IRAK1BP1: variants seen among roughly 807,000 people sequenced by gnomAD.
The protein encoded by IRAK1BP1 is interleukin 1 receptor associated kinase 1 binding protein 1.
A neutral mutation model predicts 28.0 loss-of-function variants in IRAK1BP1; 24 were observed. The ratio of observed to expected loss-of-function variants is 0.86; its 90% confidence interval spans 0.62 to 1.20. The LOEUF (loss-of-function observed/expected upper bound fraction) is 1.20, where lower values mean the gene tolerates loss of function less well. IRAK1BP1 is among the 50% of genes most tolerant of loss of function. IRAK1BP1 has a pLI of 0.00. For synonymous variants in IRAK1BP1, 131 were observed against 116.3 expected (o/e 1.13, Z -0.81); for missense variants, 336 against 316.7 (o/e 1.06, Z -0.46).
the IRAK1BP1 span, among the ~76,000 whole-genome samples, chr6:78,954,281 T>G: frequency 6.7e-6 from 1 of 149,392 alleles, no homozygotes; most frequent in African/African-American, 2.5e-5. Context: ...TTTTTTTTTG[T>G]ATTTTAAGTA....
Position 78,867,780 on chromosome 6 carries a change from GCA to G in IRAK1BP1, c.205_206del (p.Gln69GlyfsTer47). ...AAGTGTCTGCGGGCCCTGACCGGGC[GCA>G]GGTGGTGGTGCGAGTGAGCAGCACC... Reference protein sequence around the residue: ...SEVSAGPDRAQVVVRVSSTKE... With the variant: ...SEVSAGPDRAXVVVRVSSTKE... On this transcript the variant is annotated frameshift_variant, in exon 1 of 4. Coordinates refer to ENST00000369940, the MANE Select transcript of IRAK1BP1 (RefSeq NM_001010844.4). LOFTEE classifies it high-confidence loss of function. 6.2e-7 allele frequency: 1 copy of G among 1,613,928 alleles called. No homozygotes were observed. The highest frequency in any genetic ancestry group is 8.5e-7 in the Non-Finnish European group (1 of 1,179,938).
At chr6:78,970,218 C>A in the IRAK1BP1 span, 2 of 1,546,806 alleles carry the variant, frequency 1.3e-6, no homozygotes, top group South Asian at 1.1e-5. Flanking sequence ...ACAAAATAAA[C>A]CACAAAATAG....
chr6:78,954,401 C>T, the IRAK1BP1 span, among the ~76,000 whole-genome samples: 14,303 of 152,152 alleles, frequency 0.094, 778 homozygotes, highest in Middle Eastern at 0.14. Flanking sequence ...CCACCGTGCC[C>T]AGCCTAAAAA....
chr6:78,896,643 C>CAA (rs1413593327), intron 2 of IRAK1BP1, among the ~76,000 whole-genome samples: 2 of 151,880 alleles, frequency 1.3e-5, no homozygotes, highest in East Asian at 3.9e-4. Flanking sequence ...ATGGTGGTTA[C>CAA]AAAGTTCTAT....
At chr6:78,910,145 G>A (rs1772365121) in intron 4 of IRAK1BP1, among the ~76,000 whole-genome samples, 1 of 152,134 alleles carries the variant, frequency 6.6e-6, no homozygotes, top group Admixed American at 6.6e-5. Context: ...TGCTAATTAG[G>A]ATGATGGTGC....
At chr6:78,890,241 AG>A (rs922971847) in intron 2 of IRAK1BP1, among the ~76,000 whole-genome samples, 12 of 136,794 alleles carry the variant, frequency 8.8e-5, no homozygotes, top group African/African-American at 3.3e-4. Context: ...GGACACAGGG[AG>A]GGGAACATCA....
At chr6:78,884,073 C>T (rs1771328630) in intron 1 of IRAK1BP1, among the ~76,000 whole-genome samples, 1 of 152,006 alleles carries the variant, frequency 6.6e-6, no homozygotes, top group South Asian at 2.1e-4. Context: ...CTAAATTTTC[C>T]ACAATGAGTA....
chr6:78,935,686 A>G (rs1446551843), intron 4 of IRAK1BP1: 1 of 984,576 alleles, frequency 1.0e-6, no homozygotes, highest in Non-Finnish European at 1.2e-6. Flanking sequence ...CTTTTAACTG[A>G]CAGTTTTCAC....
chr6:78,948,044 A>T (rs1773925335), downstream of IRAK1BP1, among the ~76,000 whole-genome samples: 1 of 152,050 alleles, frequency 6.6e-6, no homozygotes, highest in South Asian at 2.1e-4. Flanking sequence ...ATGGAGTTGT[A>T]TTGGAAAAGG....
intron 2 of IRAK1BP1, 137 bp downstream of exon 2, chr6:78,885,580 T>G: frequency 2.0e-6 from 1 of 501,288 alleles, no homozygotes; most frequent in Non-Finnish European, 3.6e-6. Context: ...CATCTTGGTG[T>G]TATATATCTA....
At chr6:78,929,848 G>A (rs1202660411) in intron 4 of IRAK1BP1, among the ~76,000 whole-genome samples, 1 of 152,088 alleles carries the variant, frequency 6.6e-6, no homozygotes, top group East Asian at 1.9e-4. Flanking sequence ...GAACATATAA[G>A]CTAATATTAC....
chr6:78,891,888 T>G (rs1771677480), intron 2 of IRAK1BP1, among the ~76,000 whole-genome samples: 1 of 152,222 alleles, frequency 6.6e-6, no homozygotes, highest in Admixed American at 6.5e-5. Context: ...CTTGCATGCC[T>G]GCTATGTGTT....
At chr6:78,917,632 T>TAAAAAA (rs35313944) in intron 4 of IRAK1BP1, among the ~76,000 whole-genome samples, 3 of 63,690 alleles carry the variant, frequency 4.7e-5, no homozygotes, top group African/African-American at 6.5e-5. Flanking sequence ...AAGTCAACAC[T>TAAAAAA]AAAAAAAAAA....
chr6:78,967,961 T>G, the IRAK1BP1 span, among the ~76,000 whole-genome samples: 2 of 151,738 alleles, frequency 1.3e-5, no homozygotes, highest in African/African-American at 4.8e-5. Flanking sequence ...GGTGAAACCC[T>G]GTCTCTACTA....
At chr6:78,885,583 T>C (rs1331466810) in intron 2 of IRAK1BP1, 140 bp downstream of exon 2, 3 of 496,628 alleles carry the variant, frequency 6.0e-6, no homozygotes, top group Non-Finnish European at 1.1e-5. Context: ...CTTGGTGTTA[T>C]ATATCTATTT....
chr6:78,894,882 G>A (rs527733054), intron 2 of IRAK1BP1, among the ~76,000 whole-genome samples: 2 of 152,250 alleles, frequency 1.3e-5, no homozygotes, highest in South Asian at 4.1e-4. Context: ...GCTGAGGCGG[G>A]CAGATCACCT....
At chr6:78,918,743 A>G (rs1459973591) in intron 4 of IRAK1BP1, among the ~76,000 whole-genome samples, 1 of 152,200 alleles carries the variant, frequency 6.6e-6, no homozygotes, top group Non-Finnish European at 1.5e-5. Flanking sequence ...TTAGACAGCC[A>G]CACAATAATA....
Position 78,876,637 on chromosome 6 carries a change from G to A in IRAK1BP1, c.316-8741G>A, listed in dbSNP as rs183668495. Reference sequence around the variant, plus strand: ...CCTGTGCATTGTAGGATATTTAACAGCATTCCTGGCCCCTACCCATGGGGT... The same window carrying A: ...CCTGTGCATTGTAGGATATTTAACAACATTCCTGGCCCCTACCCATGGGGT... On this transcript the variant is annotated intron_variant, in intron 1 of 3. Transcript: ENST00000369940. Among the ~76,000 whole-genome samples the A allele has an allele frequency of 1.1e-4, 17 of 152,232 alleles. No homozygotes were observed. In the East Asian group the frequency reaches 3.3e-3, roughly 29 times the overall value.
intron 4 of IRAK1BP1, among the ~76,000 whole-genome samples, chr6:78,912,360 A>T (rs1365938753): frequency 1.3e-5 from 2 of 152,188 alleles, no homozygotes; most frequent in Non-Finnish European, 2.9e-5. Context: ...AGCATCAAAA[A>T]AATTGCTTGA....
Sources: gnomAD v4.1 joint callset for allele counts (sites outside exome capture counted in the v4.1 genomes callset) on GRCh38, gnomAD v4.1.1 for gene constraint, MANE v1.5 for transcripts, NCBI Gene and HGNC (gene_info 2026-07-23, HGNC 2026-07-21) for gene names.